Variants in C10orf53 observed in about 807,000 individuals in gnomAD.
C10orf53 encodes UPF0728 protein C10orf53.
C10orf53 carries 8 observed loss-of-function variants against 9.4 expected under a neutral mutation model. The ratio of observed to expected loss-of-function variants is 0.85; its 90% CI spans 0.50 to 1.53. The LOEUF (loss-of-function observed/expected upper bound fraction) is 1.53. Ranked by LOEUF, C10orf53 falls within the 40% of genes most tolerant of loss-of-function variation. The pLI, the probability that C10orf53 is intolerant of heterozygous loss-of-function variation, is 0.00. For synonymous variants in C10orf53, 48 were observed against 46.0 expected (o/e 1.04, Z -0.18); for missense variants, 117 against 117.8 (o/e 0.99, Z 0.03).
At chr10:49,700,231 T>C (rs991676175), downstream of C10orf53, among the ~76,000 whole-genome samples, 4 of 152,254 alleles carry the variant, frequency 2.6e-5, no homozygotes, top group African/African-American at 9.6e-5. Context: ...TCTGATTTAA[T>C]GGGTCTGGGA....
At chr10:49,707,607 G>A (rs539341858) in intron 2 of C10orf53, among the ~76,000 whole-genome samples, 5 of 152,292 alleles carry the variant, frequency 3.3e-5, no homozygotes, top group Admixed American at 1.3e-4. Flanking sequence ...TGTTCCAGTC[G>A]TTTAGCTGTT....
chr10:49,705,637 C>A (rs1055915874), intron 2 of C10orf53, among the ~76,000 whole-genome samples: 1 of 151,890 alleles, frequency 6.6e-6, no homozygotes, highest in Non-Finnish European at 1.5e-5. Flanking sequence ...CAAAATAGAT[C>A]GAAGACCTAT....
exon 3 of C10orf53, chr10:49,708,827 C>T (rs1306162472): frequency 1.5e-5 from 10 of 672,368 alleles, no homozygotes; most frequent in East Asian, 5.6e-5. Flanking sequence ...ACTGTATTCC[C>T]GTGTTGAAGT....
At chr10:49,707,463 T>C (rs1028335789) in intron 2 of C10orf53, among the ~76,000 whole-genome samples, 6 of 152,158 alleles carry the variant, frequency 3.9e-5, no homozygotes, top group African/African-American at 1.4e-4. Context: ...ACAGTGCCCA[T>C]ATACAGTGAA....
At chr10:49,708,264 C>T in intron 2 of C10orf53, 1 of 1,519,578 alleles carries the variant, frequency 6.6e-7, no homozygotes, top group South Asian at 1.3e-5. Flanking sequence ...AAAAGTCCAG[C>T]TATAGGCATA....
intron 1 of C10orf53, among the ~76,000 whole-genome samples, chr10:49,680,488 C>A (rs550704040): frequency 6.6e-6 from 1 of 152,282 alleles, no homozygotes; most frequent in South Asian, 2.1e-4. Flanking sequence ...GGCAGAGGGA[C>A]TAATAATATA....
Position 49,679,693 on chromosome 10 carries a change from T to TGGC in C10orf53, c.-3_-1dup. ...CCTTGCCTCTGCGGCGGCGGAGGCC[T>TGGC]GGCGATGCCCAAGAACGCAGTGGTC... On this transcript the variant is annotated 5_prime_UTR_variant, in exon 1 of 3. Transcript: ENST00000374111. The TGGC allele has an allele frequency of 6.5e-7, 1 of 1,546,008 alleles. No homozygotes were observed. The highest frequency in any genetic ancestry group is 1.2e-5 in the South Asian group (1 of 83,518).
At chr10:49,708,562 G>C in exon 3 of C10orf53, 1 of 1,614,206 alleles carries the variant, frequency 6.2e-7, no homozygotes, top group Non-Finnish European at 8.5e-7. Context: ...GGTTGGCCAG[G>C]CCTGGATCAC....
chr10:49,694,619 G>A lies in C10orf53; in HGVS notation c.*17G>A, dbSNP rs1247046819. 1.2e-6 allele frequency: 2 copies of A among 1,614,158 alleles called. No individual in the cohort carries two copies. The highest frequency in any genetic ancestry group is 1.7e-5 in the Admixed American group (1 of 60,028). On this transcript the variant is annotated 3_prime_UTR_variant, in exon 3 of 3. Transcript: ENST00000374111. ...GCCTACTGATCTCCTCATGGAACAG[G>A]CATCTCAAGTCGGCACAACAGCAGC...
chr10:49,700,534 G>A (rs754932237), downstream of C10orf53, among the ~76,000 whole-genome samples: 3 of 152,306 alleles, frequency 2.0e-5, no homozygotes, highest in East Asian at 1.9e-4. Flanking sequence ...GAAATACTCC[G>A]GGTTGGCGGT....
chr10:49,705,920 A>G (rs1840719484), intron 2 of C10orf53, among the ~76,000 whole-genome samples: 2 of 152,228 alleles, frequency 1.3e-5, no homozygotes, highest in African/African-American at 4.8e-5. Context: ...CTCAATAATA[A>G]AAGGACAAAT....
chr10:49,694,543 G>C lies in C10orf53; in HGVS notation c.223G>C (p.Asp75His), dbSNP rs369717123. The part of the protein sequence containing the change: ...CNIKDLEFGG[D>H]GKLDPLCEKA... Reference sequence around the variant, plus strand: ...AATTATATCTGTTTCCCTAGGAGGCGATGGTAAACTAGACCCACTGTGTGA... The same window carrying C: ...AATTATATCTGTTTCCCTAGGAGGCCATGGTAAACTAGACCCACTGTGTGA... The change falls in exon 3 of 3, where the codon GAT becomes CAT. Residue 75 changes from aspartate (D) to histidine (H), a missense_variant. Transcript: ENST00000374111. 6.2e-7 allele frequency: 1 copy of C among 1,614,182 alleles called. No homozygotes were observed. The highest frequency in any genetic ancestry group is 2.2e-5 in the East Asian group (1 of 44,888).
At chr10:49,690,050 C>G (rs1325653998) in intron 1 of C10orf53, among the ~76,000 whole-genome samples, 2 of 152,086 alleles carry the variant, frequency 1.3e-5, no homozygotes, top group African/African-American at 4.8e-5. Context: ...AGGCTCTGGA[C>G]TTGGTGAGCT....
Position 49,683,665 on chromosome 10 carries a change from A to C in C10orf53, c.97+3871A>C, listed in dbSNP as rs573957628. 1.2e-4 allele frequency among the ~76,000 whole-genome samples: 18 copies of C among 152,322 alleles called. No individual in the cohort carries two copies. The South Asian group carries it at 3.7e-3, about 32-fold the overall frequency. ...TGAGGCAGGTGGATCACTTGAACCCAGGAGTTCAAGACCAGCCTGGTTTGA... is the reference window on the plus strand; with the variant it reads ...TGAGGCAGGTGGATCACTTGAACCCCGGAGTTCAAGACCAGCCTGGTTTGA... On this transcript the variant is annotated intron_variant, in intron 1 of 2. Coordinates refer to ENST00000374111, the MANE Select transcript of C10orf53 (RefSeq NM_001042427.3).
intron 2 of C10orf53, among the ~76,000 whole-genome samples, chr10:49,708,090 C>T (rs976086781): frequency 2.0e-5 from 3 of 152,168 alleles, no homozygotes; most frequent in African/African-American, 7.2e-5. Flanking sequence ...GTCATATCCA[C>T]AGCTTCAGCT....
intron 1 of C10orf53, among the ~76,000 whole-genome samples, chr10:49,688,926 C>T (rs1264736363): frequency 2.0e-5 from 3 of 152,128 alleles, no homozygotes; most frequent in Non-Finnish European, 4.4e-5. Context: ...TCTTCTTGCT[C>T]GTAATTACCT....
intron 1 of C10orf53, among the ~76,000 whole-genome samples, chr10:49,681,404 C>A (rs752177761): frequency 1.3e-5 from 2 of 152,094 alleles, no homozygotes; most frequent in Non-Finnish European, 2.9e-5. Flanking sequence ...TTTAGCTGAG[C>A]AATCAGGGAA....
At chr10:49,691,942 T>A (rs1840589102) in intron 1 of C10orf53, among the ~76,000 whole-genome samples, 1 of 152,216 alleles carries the variant, frequency 6.6e-6, no homozygotes. Context: ...AAGGTGGGAA[T>A]GGAGAAGTTG....
At chr10:49,710,003 G>C (rs1274323556) in exon 3 of C10orf53, 2 of 106,782 alleles carry the variant, frequency 1.9e-5, no homozygotes, top group Non-Finnish European at 4.1e-5. Context: ...GTGTGTGTCT[G>C]TGTGTGTGTG....
Sources: allele counts gnomAD v4.1 joint callset (sites outside exome capture counted in the v4.1 genomes callset), GRCh38; gene constraint gnomAD v4.1.1; transcripts MANE v1.5; gene names NCBI Gene and HGNC (gene_info 2026-07-23, HGNC 2026-07-21).